The following KRTAP10-4 variants were observed in gnomAD, a reference collection of about 807,000 sequenced individuals.
KRTAP10-4 encodes keratin associated protein 10-4.
For missense variants in KRTAP10-4, 374 were observed against 507.6 expected, an observed-to-expected ratio of 0.74 and a Z score of 2.53; for synonymous variants, 147 against 213.7, an observed-to-expected ratio of 0.69 and a Z score of 2.72.
chr21:44,575,119 G>C lies in KRTAP10-4; in HGVS notation c.*155G>C. 1 of 1,098,724 alleles carries C rather than the reference G, an allele frequency of 9.1e-7. No homozygotes were observed. The highest frequency in any genetic ancestry group is 1.3e-6 in the Non-Finnish European group (1 of 769,728). 68.1% of individuals were successfully genotyped at this position (1,098,724 alleles called of 1,614,324 possible). A position where few individuals can be genotyped will look rare whatever the true frequency, so the allele number is the denominator to read the frequency against. On this transcript the variant is annotated 3_prime_UTR_variant, in exon 1 of 1. Transcript: ENST00000400374. ...TGCTCCTGCACTTTGACCATTTCCT[G>C]GTGTCTGCTGTTGAGCTGGACAATG...
In KRTAP10-4 at chr21:44,574,161, T is replaced by C. The variant is rs1978306283; in HGVS notation, c.403T>C (p.Cys135Arg). The stretch of plus-strand genomic sequence containing the variant: ...GCCCGTCTGCTGTGGGGATTCTTCA[T>C]GCTGCCAGCAGTCTAGCTGCCAGTC... ...CVPVCCGDSS[C>R]CQQSSCQSAC... Residue 135 changes from cysteine to arginine, a missense_variant, in exon 1 of 1, where the codon TGC (cysteine) becomes CGC (arginine). Physicochemically the swap from Cys to Arg is radical, Grantham distance 180 (BLOSUM62 -3). Coordinates refer to ENST00000400374, the MANE Select transcript of KRTAP10-4 (RefSeq NM_198687.2). 1 of 1,601,406 alleles carries C rather than the reference T, an allele frequency of 6.2e-7. No homozygotes were observed.
rs1331996125 is a variant in KRTAP10-4 at position 44,574,061 on chromosome 21, C to A, written c.303C>A (p.Ala101=). The change falls in exon 1 of 1, where the codon GCC becomes GCA. Residue 101 remains alanine, a synonymous_variant. Transcript: ENST00000400374. ...QQSSCQLACC[A]SSPCQQACCV... is the part of the protein sequence containing the mutation. Reference sequence around the variant, plus strand: ...CTAGCTGCCAGCTGGCTTGCTGTGCCTCCTCCCCCTGCCAGCAGGCCTGCT... The same window carrying A: ...CTAGCTGCCAGCTGGCTTGCTGTGCATCCTCCCCCTGCCAGCAGGCCTGCT... The A allele has an allele frequency of 1.2e-6, 2 of 1,613,010 alleles. No homozygotes were observed. The highest frequency in any genetic ancestry group is 1.3e-5 in the African/African-American group (1 of 74,586).
rs1978343472 is a variant in KRTAP10-4 at position 44,575,080 on chromosome 21, G to T, written c.*116G>T. The T allele has an allele frequency of 2.1e-6, 3 of 1,453,778 alleles. No individual in the cohort carries two copies. In the African/African-American group the frequency reaches 4.2e-5, roughly 21 times the overall value. The allele number at this position is 1,453,778 out of a possible 1,614,324, so 90.1% of individuals were successfully genotyped here. ...CTCAGGTCCCACCTGAAAGCTGATA[G>T]TCGCGTCCTGAATTGCTCCTGCACT... On this transcript the variant is annotated 3_prime_UTR_variant, in exon 1 of 1. Transcript: ENST00000400374.
In KRTAP10-4 at chr21:44,574,372, C is replaced by A; in HGVS notation, c.614C>A (p.Thr205Lys). 1 of 1,608,904 alleles carries A rather than the reference C, an allele frequency of 6.2e-7. No individual in the cohort carries two copies. Residue 205 changes from threonine (T) to lysine (K), a missense_variant, in exon 1 of 1, where the codon ACG (threonine) becomes AAG (lysine). Physicochemically the swap from Thr to Lys is moderately conservative, Grantham distance 78. Transcript: ENST00000400374. ...PCQSGCISSCTPSCCQQSSCQ... is the reference protein window; with the variant it reads ...PCQSGCISSCKPSCCQQSSCQ... Reference sequence around the variant, plus strand: ...CAATCAGGCTGCATCAGCTCCTGCACGCCCTCGTGCTGCCAGCAGTCTAGC... The same window carrying A: ...CAATCAGGCTGCATCAGCTCCTGCAAGCCCTCGTGCTGCCAGCAGTCTAGC...
In KRTAP10-4 at chr21:44,574,636, C is replaced by T; in HGVS notation, c.878C>T (p.Ala293Val). ...TGCTCTGTGCCCATCTGCTCTGGGGCTTCCTCTCTGTGCTGCCAGCAGTCT... is the reference window on the plus strand; with the variant it reads ...TGCTCTGTGCCCATCTGCTCTGGGGTTTCCTCTCTGTGCTGCCAGCAGTCT... The part of the protein sequence containing the change: ...PVCSVPICSG[A>V]SSLCCQQSSC... Residue 293 changes from alanine to valine, a missense_variant, in exon 1 of 1, where the codon GCT becomes GTT. Physicochemically the swap from Ala to Val is moderately conservative, Grantham distance 64 (BLOSUM62 0). Coordinates refer to ENST00000400374, the MANE Select transcript of KRTAP10-4 (RefSeq NM_198687.2). 3 of 1,282,548 alleles carry T rather than the reference C, an allele frequency of 2.3e-6. No homozygotes were observed. The highest frequency in any genetic ancestry group is 2.1e-6 in the Non-Finnish European group (2 of 967,816). 79.4% of individuals were successfully genotyped at this position (1,282,548 alleles called of 1,614,324 possible).
In KRTAP10-4 at chr21:44,573,778, A is replaced by G. The variant is rs1569193992; in HGVS notation, c.20A>G (p.Asp7Gly). The change falls in exon 1 of 1, where the codon GAC becomes GGC. Residue 7 changes from aspartate (D) to glycine (G), a missense_variant. By Grantham distance (94) the Asp-to-Gly change is moderately conservative. Transcript: ENST00000400374. ...TCCACCATGTCCGTCTGCTCCAGCG[A>G]CCTGAGCTACAGCAGCCGCGTCTGC... MSVCSS[D>G]LSYSSRVCLP... The G allele has an allele frequency of 1.9e-6, 3 of 1,613,666 alleles. No individual in the cohort carries two copies. Among genetic ancestry groups the G allele is most frequent in the Admixed American group, 3.3e-5 (2 of 59,978 alleles).
chr21:44,574,715 GC>G, the KRTAP10-4 span: 6 of 1,609,010 alleles, frequency 3.7e-6, no homozygotes, highest in African/African-American at 1.3e-5. Flanking sequence ...GCTGCTGCGT[GC>G]CCGTCTGCTG....
rs1601432485 is a variant in KRTAP10-4, at chr21:44,574,106, G to A, written c.348G>A (p.Lys116=). The stretch of plus-strand genomic sequence containing the variant: ...CCTGCTGCGTGCCCGTCTGCTGCAA[G>A]ACTGTCTGCTGCAAGCCTGTGTGCT... The part of the protein sequence containing the change: ...QQACCVPVCC[K]TVCCKPVCCV... Residue 116 remains lysine (K), a synonymous_variant, in exon 1 of 1, where the codon AAG becomes AAA. Coordinates refer to ENST00000400374, the MANE Select transcript of KRTAP10-4 (RefSeq NM_198687.2). 1.9e-6 allele frequency: 3 copies of A among 1,596,988 alleles called. No individual in the cohort carries two copies. In the Admixed American group the frequency reaches 5.1e-5, roughly 27 times the overall value.
Position 44,574,417 on chromosome 21 carries a change from C to T in KRTAP10-4, c.659C>T (p.Thr220Ile). The change falls in exon 1 of 1, where the codon ACC becomes ATC. Residue 220 changes from threonine to isoleucine, a missense_variant. Physicochemically the swap from Thr to Ile is moderately conservative, Grantham distance 89 (BLOSUM62 -1). Transcript: ENST00000400374. Reference sequence around the variant, plus strand: ...TCTAGCTGCCAGCCGGCTTGCTGCACCTCCTCCTCCTGCCAGCAGGCCTGC... The same window carrying T: ...TCTAGCTGCCAGCCGGCTTGCTGCATCTCCTCCTCCTGCCAGCAGGCCTGC... The part of the protein sequence containing the change: ...QQSSCQPACC[T>I]SSSCQQACCV... The T allele has an allele frequency of 6.2e-7, 1 of 1,603,622 alleles. No homozygotes were observed. The highest frequency in any genetic ancestry group is 8.5e-7 in the Non-Finnish European group (1 of 1,175,048).
rs587769566 is a variant in KRTAP10-4, at chr21:44,574,355, C to T, written c.597C>T (p.Gly199=). 1.9e-6 allele frequency: 3 copies of T among 1,610,110 alleles called. No homozygotes were observed. In the East Asian group the frequency reaches 6.7e-5, roughly 36 times the overall value. ...GTGAGCCCAGCCCCTGCCAATCAGG[C>T]TGCATCAGCTCCTGCACGCCCTCGT... The part of the protein sequence containing the change: ...AVCEPSPCQS[G]CISSCTPSCC... Residue 199 remains glycine (G), a synonymous_variant, in exon 1 of 1, where the codon GGC becomes GGT. Transcript: ENST00000400374.
rs1555923507 is a variant in KRTAP10-4, at chr21:44,574,640, C to T, written c.882C>T (p.Ser294=). Residue 294 remains serine, a synonymous_variant, in exon 1 of 1, where the codon TCC becomes TCT. Transcript: ENST00000400374. The part of the protein sequence containing the change: ...VCSVPICSGA[S]SLCCQQSSCQ... Reference sequence around the variant, plus strand: ...CTGTGCCCATCTGCTCTGGGGCTTCCTCTCTGTGCTGCCAGCAGTCTAGCT... The same window carrying T: ...CTGTGCCCATCTGCTCTGGGGCTTCTTCTCTGTGCTGCCAGCAGTCTAGCT... 1.6e-6 allele frequency: 2 copies of T among 1,287,844 alleles called. No individual in the cohort carries two copies. Among genetic ancestry groups the T allele is most frequent in the Non-Finnish European group, 2.1e-6 (2 of 969,636 alleles). 79.8% of individuals were successfully genotyped at this position (1,287,844 alleles called of 1,614,324 possible). A position where few individuals can be genotyped will look rare whatever the true frequency, so the allele number is the denominator to read the frequency against.
Position 44,573,765 on chromosome 21 carries a change from G to A in KRTAP10-4, c.7G>A (p.Val3Ile), listed in dbSNP as rs375842508. 16 of 1,613,306 alleles carry A rather than the reference G, an allele frequency of 9.9e-6. No individual in the cohort carries two copies. Among genetic ancestry groups the A allele is most frequent in the African/African-American group, 6.7e-5 (5 of 74,748 alleles). Residue 3 changes from valine (V) to isoleucine (I), a missense_variant, in exon 1 of 1, where the codon GTC (valine) becomes ATC (isoleucine). Transcript: ENST00000400374. The part of the protein sequence containing the change: MS[V>I]CSSDLSYSSR... Reference sequence around the variant, plus strand: ...CAGCACAGCAGCATCCACCATGTCCGTCTGCTCCAGCGACCTGAGCTACAG... The same window carrying A: ...CAGCACAGCAGCATCCACCATGTCCATCTGCTCCAGCGACCTGAGCTACAG...
In KRTAP10-4 at chr21:44,575,039, C is replaced by G. The variant is rs1431258329; in HGVS notation, c.*75C>G. On this transcript the variant is annotated 3_prime_UTR_variant, in exon 1 of 1. Transcript: ENST00000400374. The stretch of plus-strand genomic sequence containing the variant: ...AGCCCAGCTGCTGATGGACACGCCC[C>G]CCAGTGCCAGCCAGGCTCAGGTCCC... 2 of 1,578,350 alleles carry G rather than the reference C, an allele frequency of 1.3e-6. No individual in the cohort carries two copies. Among genetic ancestry groups the G allele is most frequent in the African/African-American group, 2.7e-5 (2 of 74,286 alleles).
rs781857472 is a variant in KRTAP10-4, at chr21:44,574,124, T to C, written c.366T>C (p.Pro122=). 2 of 1,596,474 alleles carry C rather than the reference T, an allele frequency of 1.3e-6. No homozygotes were observed. The highest frequency in any genetic ancestry group is 1.4e-5 in the African/African-American group (1 of 73,890). ...PVCCKTVCCK[P]VCCVPVCCGD... The stretch of plus-strand genomic sequence containing the variant: ...GCTGCAAGACTGTCTGCTGCAAGCC[T>C]GTGTGCTGTGTGCCCGTCTGCTGTG... Residue 122 remains proline, a synonymous_variant, in exon 1 of 1, where the codon CCT becomes CCC. Transcript: ENST00000400374.
At position 44,573,749 on chromosome 21, in the gene KRTAP10-4, A is replaced by T. The variant is rs371752955; in HGVS notation, c.-10A>T. The T allele has an allele frequency of 3.1e-5, 50 of 1,588,908 alleles. 1 individual carries two copies. The African/African-American group carries it at 5.6e-4, about 18-fold the overall frequency. On this transcript the variant is annotated 5_prime_UTR_variant, in exon 1 of 1. Coordinates refer to ENST00000400374, the MANE Select transcript of KRTAP10-4 (RefSeq NM_198687.2). Reference sequence around the variant, plus strand: ...CCCCCAGCTCAACCCCCAGCACAGCAGCATCCACCATGTCCGTCTGCTCCA... The same window carrying T: ...CCCCCAGCTCAACCCCCAGCACAGCTGCATCCACCATGTCCGTCTGCTCCA...
chr21:44,574,772 A>G lies in KRTAP10-4; in HGVS notation c.1014A>G (p.Ser338=), dbSNP rs1978322832. 1.2e-6 allele frequency: 2 copies of G among 1,611,854 alleles called. No individual in the cohort carries two copies. Among genetic ancestry groups the G allele is most frequent in the East Asian group, 4.5e-5 (2 of 44,694 alleles). Reference sequence around the variant, plus strand: ...CTGTTTGCTCTGGGGCTTCCTCTTCATGCTGCCAGCAATCTAGCTGCCAGC... The same window carrying G: ...CTGTTTGCTCTGGGGCTTCCTCTTCGTGCTGCCAGCAATCTAGCTGCCAGC... ...CVPVCSGASS[S]CCQQSSCQPA... is the part of the protein sequence containing the mutation. Residue 338 remains serine, a synonymous_variant, in exon 1 of 1, where the codon TCA becomes TCG. Transcript: ENST00000400374.
rs1218362696 is a variant in KRTAP10-4, at chr21:44,574,749, G to T, written c.991G>T (p.Val331Phe). Reference protein sequence around the residue: ...VCCKPVSCVPVCSGASSSCCQ... With the variant: ...VCCKPVSCVPFCSGASSSCCQ... Reference sequence around the variant, plus strand: ...CTGCAAGCCTGTGAGCTGTGTGCCTGTTTGCTCTGGGGCTTCCTCTTCATG... The same window carrying T: ...CTGCAAGCCTGTGAGCTGTGTGCCTTTTTGCTCTGGGGCTTCCTCTTCATG... Residue 331 changes from valine (V) to phenylalanine (F), a missense_variant, in exon 1 of 1, where the codon GTT (valine) becomes TTT (phenylalanine). Physicochemically the swap from Val to Phe is conservative, Grantham distance 50. Transcript: ENST00000400374. 1.2e-6 allele frequency: 2 copies of T among 1,612,900 alleles called. No individual in the cohort carries two copies. The highest frequency in any genetic ancestry group is 2.7e-5 in the African/African-American group (2 of 74,544).
Position 44,574,155 on chromosome 21 carries a change from T to A in KRTAP10-4, c.397T>A (p.Ser133Thr), listed in dbSNP as rs376475986. ...VCCVPVCCGD[S>T]SCCQQSSCQS... ...CTGTGTGCCCGTCTGCTGTGGGGAT[T>A]CTTCATGCTGCCAGCAGTCTAGCTG... Residue 133 changes from serine (S) to threonine (T), a missense_variant, in exon 1 of 1, where the codon TCT becomes ACT. Coordinates refer to ENST00000400374, the MANE Select transcript of KRTAP10-4 (RefSeq NM_198687.2). 6.9e-6 allele frequency: 11 copies of A among 1,591,806 alleles called. No homozygotes were observed. The African/African-American group carries it at 1.4e-4, about 20-fold the overall frequency.
rs376475986 is a variant in KRTAP10-4 at position 44,574,155 on chromosome 21, T to C, written c.397T>C (p.Ser133Pro). The change falls in exon 1 of 1, where the codon TCT becomes CCT. Residue 133 changes from serine to proline, a missense_variant. Coordinates refer to ENST00000400374, the MANE Select transcript of KRTAP10-4 (RefSeq NM_198687.2). The part of the protein sequence containing the change: ...VCCVPVCCGD[S>P]SCCQQSSCQS... ...CTGTGTGCCCGTCTGCTGTGGGGAT[T>C]CTTCATGCTGCCAGCAGTCTAGCTG... 2.5e-6 allele frequency: 4 copies of C among 1,591,802 alleles called. No individual in the cohort carries two copies. Among genetic ancestry groups the C allele is most frequent in the South Asian group, 1.1e-5 (1 of 89,912 alleles).
Sources: gnomAD v4.1 joint callset for allele counts on GRCh38, gnomAD v4.1.1 for gene constraint, MANE v1.5 for transcripts, NCBI Gene and HGNC (gene_info 2026-07-23, HGNC 2026-07-21) for gene names.